Variants in KTN1 observed in about 807,000 individuals in gnomAD.
KTN1 encodes kinectin 1, also known as kinectin.
KTN1 carries 130 observed loss-of-function variants against 222.5 expected under a neutral mutation model. The observed-to-expected ratio is 0.58, with a 90% CI of 0.51 to 0.68. The LOEUF (loss-of-function observed/expected upper bound fraction) is 0.68, where lower values mean the gene tolerates loss of function less well. KTN1 is among the 30% of genes least tolerant of loss of function. The pLI is 0.00. For synonymous variants in KTN1, 512 were observed against 496.3 expected (o/e 1.03, Z -0.42); for missense variants, 1,508 against 1,500.4 (o/e 1.01, Z -0.08).
intron 34 of KTN1, among the ~76,000 whole-genome samples, chr14:55,669,624 A>G (rs2045262837): frequency 6.6e-6 from 1 of 152,018 alleles, no homozygotes; most frequent in Non-Finnish European, 1.5e-5. Context: ...GGAAATTTAC[A>G]AACTTTAAGC....
intron 11 of KTN1, among the ~76,000 whole-genome samples, 162 bp downstream of exon 11, chr14:55,637,526 G>A (rs1158197579): frequency 1.3e-5 from 2 of 151,720 alleles, no homozygotes; most frequent in East Asian, 1.9e-4. Context: ...TGGTGTGTTT[G>A]AAGGTGTGCT....
intron 1 of KTN1, 37 bp from the exon 2 acceptor site, chr14:55,611,981 CT>C (rs1555363594): frequency 0.15 from 104,850 of 708,606 alleles, 1 homozygote; most frequent in East Asian, 0.22. Context: ...CTGACAGGTT[CT>C]TTTTTTTTTT....
At chr14:55,631,340 T>TTATATATA in intron 7 of KTN1, among the ~76,000 whole-genome samples, 1 of 53,042 alleles carries the variant, frequency 1.9e-5, no homozygotes, top group South Asian at 7.3e-4. Context: ...TTGATAAGGT[T>TTATATATA]GATATATATA....
chr14:55,626,036 C>T (rs2039779433), intron 5 of KTN1, among the ~76,000 whole-genome samples: 1 of 152,040 alleles, frequency 6.6e-6, no homozygotes, highest in Admixed American at 6.6e-5. Flanking sequence ...ACATTGACTG[C>T]TCTGTTAAAC....
intron 1 of KTN1, among the ~76,000 whole-genome samples, chr14:55,604,024 C>T (rs907236507): frequency 1.6e-4 from 24 of 152,278 alleles, no homozygotes; most frequent in African/African-American, 5.8e-4. Context: ...TAACAGTTCT[C>T]CCTGATTTCA....
Position 55,649,995 on chromosome 14 carries a change from A to T in KTN1, c.2405+182A>T, listed in dbSNP as rs201527330. ...GTGCTTTCCCAAATTCAGTATAATT[A>T]AAAAAAAAAAAACAAAAAAAAACTA... On this transcript the variant is annotated intron_variant, in intron 22 of 43. Coordinates refer to ENST00000395314, the MANE Select transcript of KTN1 (RefSeq NM_001079521.2). Among the ~76,000 whole-genome samples, 9 of 62,776 alleles carry T rather than the reference A, an allele frequency of 1.4e-4. No individual in the cohort carries two copies. The South Asian group carries it at 4.6e-3, about 32-fold the overall frequency. The allele number at this position is 62,776 out of a possible 152,430, so 41.2% of individuals were successfully genotyped here.
At chr14:55,654,287 A>G (rs572894295) in intron 28 of KTN1, among the ~76,000 whole-genome samples, 1 of 152,292 alleles carries the variant, frequency 6.6e-6, no homozygotes, top group East Asian at 1.9e-4. Context: ...TGTTTTAAAG[A>G]AGTGCCCCGT....
chr14:55,679,899 C>CT, intron 43 of KTN1: 1 of 527,448 alleles, frequency 1.9e-6, no homozygotes, highest in Non-Finnish European at 3.3e-6. Flanking sequence ...TCTGTGCCTC[C>CT]TTTGACCTTT....
intron 33 of KTN1, among the ~76,000 whole-genome samples, chr14:55,666,890 A>T (rs1292937454): frequency 1.3e-5 from 2 of 152,008 alleles, no homozygotes; most frequent in East Asian, 3.8e-4. Flanking sequence ...TTTCTACTAT[A>T]GGTAGTTTAT....
chr14:55,641,750 T>A lies in KTN1; in HGVS notation c.2162T>A (p.Val721Asp). Residue 721 changes from valine to aspartate, a missense_variant, in exon 18 of 44, where the codon GTT becomes GAT. Physicochemically the swap from Val to Asp is radical, Grantham distance 152. Transcript: ENST00000395314. ...KSEVQKLQTLVSEQPNKDVVE... is the reference protein window; with the variant it reads ...KSEVQKLQTLDSEQPNKDVVE... ...GAAGTTCAGAAGCTACAGACTCTTG[T>A]TTCTGAACAGGTAAGGCTTTTCCTA... 1 of 1,585,112 alleles carries A rather than the reference T, an allele frequency of 6.3e-7. No individual in the cohort carries two copies. Among genetic ancestry groups the A allele is most frequent in the Non-Finnish European group, 8.7e-7 (1 of 1,153,802 alleles).
intron 30 of KTN1, among the ~76,000 whole-genome samples, chr14:55,659,177 C>G (rs181722578): frequency 6.6e-6 from 1 of 152,134 alleles, no homozygotes; most frequent in East Asian, 1.9e-4. Flanking sequence ...AAACAAGAAG[C>G]TTGAGAGATT....
At chr14:55,615,551 C>G (rs920793426) in intron 2 of KTN1, among the ~76,000 whole-genome samples, 1 of 151,450 alleles carries the variant, frequency 6.6e-6, no homozygotes, top group Non-Finnish European at 1.5e-5. Context: ...GGGTAGAGAC[C>G]AAAAGTATAA....
intron 33 of KTN1, among the ~76,000 whole-genome samples, chr14:55,666,920 A>G: frequency 6.6e-6 from 1 of 152,006 alleles, no homozygotes; most frequent in East Asian, 1.9e-4. Context: ...GCTATAAGAA[A>G]TGCTTTTTGT....
rs539507834 is a variant in KTN1, at chr14:55,653,294, A to G, written c.2763+209A>G. ...AATCTGTCAACCTGAGCCTACAAGCATTTCCTTATCTCTACCTTTTCAAAT... is the reference window on the plus strand; with the variant it reads ...AATCTGTCAACCTGAGCCTACAAGCGTTTCCTTATCTCTACCTTTTCAAAT... On this transcript the variant is annotated intron_variant, in intron 27 of 43. Transcript: ENST00000395314. 5.9e-5 allele frequency among the ~76,000 whole-genome samples: 9 copies of G among 152,310 alleles called. No homozygotes were observed. In the East Asian group the frequency reaches 1.7e-3, roughly 29 times the overall value.
chr14:55,662,159 T>A (rs1186796088), intron 32 of KTN1, among the ~76,000 whole-genome samples: 1 of 150,954 alleles, frequency 6.6e-6, no homozygotes, highest in Non-Finnish European at 1.5e-5. Flanking sequence ...CTCGGCCTCC[T>A]GGGTTCAGGC....
intron 34 of KTN1, chr14:55,668,148 G>A (rs1047641173): frequency 6.6e-6 from 1 of 151,970 alleles, no homozygotes; most frequent in Non-Finnish European, 1.5e-5. Flanking sequence ...TTTTTAAAAA[G>A]TGTGATATTA....
chr14:55,592,679 A>T (rs2034350168), intron 1 of KTN1, among the ~76,000 whole-genome samples: 1 of 152,228 alleles, frequency 6.6e-6, no homozygotes, highest in Non-Finnish European at 1.5e-5. Context: ...TCCAGTCCCT[A>T]TTTGACATCC....
chr14:55,673,428 G>A, intron 40 of KTN1, 173 bp downstream of exon 40: 2 of 438,058 alleles, frequency 4.6e-6, no homozygotes, highest in Middle Eastern at 3.3e-4. Flanking sequence ...TTCTTTTCTT[G>A]ACTCCTAAAA....
At chr14:55,589,497 A>G (rs2033688348) in intron 1 of KTN1, among the ~76,000 whole-genome samples, 1 of 151,724 alleles carries the variant, frequency 6.6e-6, no homozygotes, top group African/African-American at 2.4e-5. Flanking sequence ...TTTAGTAGAG[A>G]TGGGGTTTCA....
Sources: allele counts gnomAD v4.1 joint callset (sites outside exome capture counted in the v4.1 genomes callset), GRCh38; gene constraint gnomAD v4.1.1; transcripts MANE v1.5; gene names NCBI Gene and HGNC (gene_info 2026-07-23, HGNC 2026-07-21).